INTU: variants seen among roughly 807,000 people sequenced by gnomAD.
INTU encodes the protein protein inturned.
Under a neutral mutation model 100.5 loss-of-function variants are expected in INTU, and 68 were observed. The observed-to-expected ratio is 0.68, with a 90% CI of 0.56 to 0.83. INTU has a LOEUF of 0.83. Among genes scored for constraint, INTU ranks in the 40% least tolerant of loss-of-function variants. INTU has a pLI of 0.00. For missense variants in INTU, 1,071 were observed against 1,114.7 expected (o/e 0.96, Z 0.56); for synonymous variants, 357 against 395.7 (o/e 0.90, Z 1.16).
intron 14 of INTU, among the ~76,000 whole-genome samples, chr4:127,713,359 A>T (rs1731157383): frequency 6.6e-6 from 1 of 152,196 alleles, no homozygotes; most frequent in Non-Finnish European, 1.5e-5. Flanking sequence ...ATCAAGGATC[A>T]CTCCACTGTT....
chr4:127,693,901 C>G (rs960086863), intron 8 of INTU, among the ~76,000 whole-genome samples: 1 of 152,188 alleles, frequency 6.6e-6, no homozygotes, highest in Admixed American at 6.5e-5. Flanking sequence ...TAAACCATCC[C>G]TGCATTCCTG....
chr4:127,633,619 G>C (rs1290286456), intron 1 of INTU, among the ~76,000 whole-genome samples: 1 of 152,072 alleles, frequency 6.6e-6, no homozygotes, highest in African/African-American at 2.4e-5. Flanking sequence ...AATTTATGTA[G>C]ATTTTTTCTG....
intron 1 of INTU, among the ~76,000 whole-genome samples, chr4:127,637,697 T>C (rs1727132630): frequency 6.6e-6 from 1 of 152,196 alleles, no homozygotes; most frequent in East Asian, 1.9e-4. Flanking sequence ...TCTGACATCT[T>C]TAAAAGTACA....
intron 15 of INTU, among the ~76,000 whole-genome samples, chr4:127,714,621 T>C (rs1731202171): frequency 6.6e-6 from 1 of 152,208 alleles, no homozygotes; most frequent in African/African-American, 2.4e-5. Context: ...TTCAGACCAG[T>C]GCTAACAGGT....
At chr4:127,691,883 A>G (rs1903106) in intron 8 of INTU, among the ~76,000 whole-genome samples, 4,484 of 150,478 alleles carry the variant, frequency 0.03, 292 homozygotes, top group East Asian at 0.26. Context: ...TTAGAATAAT[A>G]GTCTCCAATT....
Position 127,658,978 on chromosome 4 carries a change from A to G in INTU, c.768+2257A>G, listed in dbSNP as rs115284251. Among the ~76,000 whole-genome samples the G allele has an allele frequency of 9.1e-3, 1,390 of 152,208 alleles. 23 individuals carry two copies. Among genetic ancestry groups the G allele is most frequent in the African/African-American group, 0.032 (1,325 of 41,504 alleles). On this transcript the variant is annotated intron_variant, in intron 3 of 15. Transcript: ENST00000335251. ...TGACAGGAGACAGTGACAGATTATCATGCATTAGATTATCATAAGGAGTGC... is the reference window on the plus strand; with the variant it reads ...TGACAGGAGACAGTGACAGATTATCGTGCATTAGATTATCATAAGGAGTGC...
intron 6 of INTU, among the ~76,000 whole-genome samples, chr4:127,678,501 A>G (rs1194114395): frequency 6.6e-6 from 1 of 152,190 alleles, no homozygotes; most frequent in Non-Finnish European, 1.5e-5. Flanking sequence ...CAGCCAAACT[A>G]AGCTTCATAA....
chr4:127,689,404 C>G (rs532715635), intron 8 of INTU, among the ~76,000 whole-genome samples: 198 of 152,222 alleles, frequency 1.3e-3, no homozygotes, highest in Non-Finnish European at 2.6e-3. Flanking sequence ...AATCCTCGTG[C>G]TTTGGGAGAC....
At chr4:127,698,032 A>G (rs1483922337) in intron 8 of INTU, among the ~76,000 whole-genome samples, 1 of 152,204 alleles carries the variant, frequency 6.6e-6, no homozygotes. Context: ...AGGCAGGAGA[A>G]TCACTTGAAC....
At chr4:127,686,467 C>T (rs1223714779) in intron 7 of INTU, 1 of 152,234 alleles carries the variant, frequency 6.6e-6, no homozygotes, top group African/African-American at 2.4e-5. Flanking sequence ...TTCCTACCTA[C>T]CCCTCTGACT....
intron 7 of INTU, among the ~76,000 whole-genome samples, 197 bp downstream of exon 7, chr4:127,684,683 C>G (rs1302525268): frequency 6.6e-6 from 1 of 151,558 alleles, no homozygotes; most frequent in African/African-American, 2.4e-5. Flanking sequence ...CTTTCTCTAT[C>G]CTTATTCCTC....
intron 6 of INTU, chr4:127,683,786 C>G (rs1729693083): frequency 6.6e-6 from 1 of 152,172 alleles, no homozygotes; most frequent in Non-Finnish European, 1.5e-5. Context: ...AGGCTCTACT[C>G]CCTTTCTACC....
chr4:127,714,012 A>G lies in INTU; in HGVS notation c.2636A>G (p.His879Arg), dbSNP rs756656890. The change falls in exon 15 of 16, where the codon CAT (histidine) becomes CGT (arginine). Residue 879 changes from histidine to arginine, a missense_variant. His to Arg is a conservative substitution (Grantham distance 29, BLOSUM62 0). Coordinates refer to ENST00000335251, the MANE Select transcript of INTU (RefSeq NM_015693.4). ...SVSSLNPVKE[H>R]GVLFECSPGN... ...TCTTCTCTTAACCCTGTTAAAGAAC[A>G]TGGTGTGTTGTTTGAATGTTCACCT... The G allele has an allele frequency of 1.9e-6, 3 of 1,613,620 alleles. No homozygotes were observed. The highest frequency in any genetic ancestry group is 1.7e-5 in the Admixed American group (1 of 59,946).
Position 127,704,259 on chromosome 4 carries a change from A to T in INTU, c.1535A>T (p.Tyr512Phe). The T allele has an allele frequency of 1.9e-6, 3 of 1,611,150 alleles. No homozygotes were observed. The highest frequency in any genetic ancestry group is 2.5e-6 in the Non-Finnish European group (3 of 1,178,374). The part of the protein sequence containing the change: ...SEDYYDMRRL[Y>F]TILGSSLFYK... ...GATTACTATGACATGAGGCGGCTGT[A>T]TACAATTTTGGGGTCTTCTCTATTT... Residue 512 changes from tyrosine (Y) to phenylalanine (F), a missense_variant, in exon 10 of 16, where the codon TAT (tyrosine) becomes TTT (phenylalanine). Transcript: ENST00000335251.
rs995709466 is a variant in INTU at position 127,721,048 on chromosome 4, T to G, written c.*4612T>G. 1.3e-5 allele frequency: 2 copies of G among 152,098 alleles called. No homozygotes were observed. Among genetic ancestry groups the G allele is most frequent in the African/African-American group, 4.8e-5 (2 of 41,438 alleles). 9.4% of individuals were successfully genotyped at this position (152,098 alleles called of 1,614,324 possible). A position where few individuals can be genotyped will look rare whatever the true frequency, so the allele number is the denominator to read the frequency against. On this transcript the variant is annotated 3_prime_UTR_variant, in exon 16 of 16. Coordinates refer to ENST00000335251, the MANE Select transcript of INTU (RefSeq NM_015693.4). ...TGATTATTTTGCAGACTTGTTTATG[T>G]TTTTGCTTCATAGTGTTACTGATCT...
Position 127,705,688 on chromosome 4 carries a change from G to T in INTU, c.1664G>T (p.Arg555Ile), listed in dbSNP as rs774690451. The change falls in exon 11 of 16, where the codon AGA (arginine) becomes ATA (isoleucine). Residue 555 changes from arginine to isoleucine, a missense_variant. By Grantham distance (97) the Arg-to-Ile change is moderately conservative. Transcript: ENST00000335251. Reference sequence around the variant, plus strand: ...CTGCTGCCTTTAGCAGCAAAACAAAGAATTGGTCAGTTGATCATATGGAGA... The same window carrying T: ...CTGCTGCCTTTAGCAGCAAAACAAATAATTGGTCAGTTGATCATATGGAGA... The part of the protein sequence containing the change: ...YCLLPLAAKQ[R>I]IGQLIIWREV... 26 of 1,613,992 alleles carry T rather than the reference G, an allele frequency of 1.6e-5. No individual in the cohort carries two copies. The highest frequency in any genetic ancestry group is 1.9e-5 in the Non-Finnish European group (22 of 1,179,918).
intron 4 of INTU, among the ~76,000 whole-genome samples, chr4:127,666,307 C>A (rs571343063): frequency 7.2e-5 from 11 of 152,142 alleles, no homozygotes; most frequent in African/African-American, 2.6e-4. Flanking sequence ...TAAGTGGATT[C>A]TCACTTGTAA....
chr4:127,643,379 G>A (rs1163102748), intron 1 of INTU, 142 bp from the exon 2 acceptor site: 1 of 566,482 alleles, frequency 1.8e-6, no homozygotes, highest in African/African-American at 1.9e-5. Flanking sequence ...GAAATAGTAA[G>A]GATAATTTGA....
chr4:127,651,946 G>C (rs1727903014), intron 2 of INTU, among the ~76,000 whole-genome samples: 1 of 150,832 alleles, frequency 6.6e-6, no homozygotes, highest in African/African-American at 2.5e-5. Flanking sequence ...TCCCTTGTAA[G>C]TTGGATCCCT....
Sources: allele counts gnomAD v4.1 joint callset (sites outside exome capture counted in the v4.1 genomes callset), GRCh38; gene constraint gnomAD v4.1.1; transcripts MANE v1.5; gene names NCBI Gene and HGNC (gene_info 2026-07-23, HGNC 2026-07-21).